The following CTBP2 variants were observed in gnomAD, a reference collection of about 807,000 sequenced individuals.
CTBP2 encodes the protein C-terminal-binding protein 2.
CTBP2 carries 30 observed loss-of-function variants against 80.3 expected under a neutral mutation model. That is an observed-to-expected ratio of 0.37 (90% CI 0.28 to 0.51). The LOEUF (loss-of-function observed/expected upper bound fraction) is 0.51, where lower values mean the gene tolerates loss of function less well. Among genes scored for constraint, CTBP2 ranks in the 20% least tolerant of loss-of-function variants. The pLI is 0.93. For synonymous variants in CTBP2, 594 were observed against 587.4 expected (o/e 1.01, Z -0.16); for missense variants, 1,212 against 1,375.3 (o/e 0.88, Z 1.88).
At chr10:125,023,088 C>G (rs1409203952) in intron 1 of CTBP2, among the ~76,000 whole-genome samples, 1 of 152,216 alleles carries the variant, frequency 6.6e-6, no homozygotes, top group African/African-American at 2.4e-5. Context: ...TCACAACCAT[C>G]AGCCTCCTCA....
At chr10:125,022,002 G>A (rs1474278313) in intron 1 of CTBP2, among the ~76,000 whole-genome samples, 8 of 152,192 alleles carry the variant, frequency 5.3e-5, no homozygotes, top group Admixed American at 2.6e-4. Flanking sequence ...TTTTTACTAC[G>A]CAGGCATAGA....
chr10:125,046,957 C>A (rs1255101978), intron 2 of CTBP2, among the ~76,000 whole-genome samples: 1 of 152,150 alleles, frequency 6.6e-6, no homozygotes, highest in African/African-American at 2.4e-5. Context: ...GAACAGAAGA[C>A]TTGAGCAGAA....
chr10:124,992,684 C>T lies in CTBP2; in HGVS notation c.2777+11G>A, dbSNP rs1952851103. The stretch of plus-strand genomic sequence containing the variant: ...CTCACAAGCTGAGACAAAGTCAGTT[C>T]CTTTTCTCACCTGTATGTGGCACCA... On this transcript the variant is annotated intron_variant, in intron 8 of 8. Coordinates refer to ENST00000309035, the MANE Select transcript of CTBP2 (RefSeq NM_022802.3). The T allele has an allele frequency of 1.5e-5, 24 of 1,590,972 alleles. No individual in the cohort carries two copies. Among genetic ancestry groups the T allele is most frequent in the Non-Finnish European group, 2.0e-5 (23 of 1,166,440 alleles).
At chr10:125,001,807 G>A (rs1184594881) in intron 3 of CTBP2, among the ~76,000 whole-genome samples, 1 of 152,276 alleles carries the variant, frequency 6.6e-6, no homozygotes, top group East Asian at 1.9e-4. Flanking sequence ...GTGCTGCCCC[G>A]ACTGGCCGTG....
intron 8 of CTBP2, among the ~76,000 whole-genome samples, chr10:124,990,832 T>G (rs998079488): frequency 3.9e-5 from 6 of 152,234 alleles, no homozygotes; most frequent in African/African-American, 1.4e-4. Context: ...TATGAGGATG[T>G]GGGAAGAAGC....
chr10:125,158,432 G>A (rs1861323205), intron 1 of CTBP2, among the ~76,000 whole-genome samples: 1 of 152,142 alleles, frequency 6.6e-6, no homozygotes, highest in African/African-American at 2.4e-5. Context: ...AATTATCCAT[G>A]TCAGATAAAA....
chr10:125,033,133 C>T (rs3781399), intron 3 of CTBP2, among the ~76,000 whole-genome samples: 9,512 of 152,286 alleles, frequency 0.062, 350 homozygotes, highest in African/African-American at 0.089. Context: ...CTGGCACAGA[C>T]ATCTCTTCAA....
chr10:125,016,427 T>C (rs1362288080), intron 1 of CTBP2, among the ~76,000 whole-genome samples: 1 of 152,168 alleles, frequency 6.6e-6, no homozygotes, highest in East Asian at 1.9e-4. Flanking sequence ...TCCAGAGAAA[T>C]GAACAACACG....
At chr10:125,019,174 C>A (rs1337322160) in intron 1 of CTBP2, among the ~76,000 whole-genome samples, 1 of 152,018 alleles carries the variant, frequency 6.6e-6, no homozygotes, top group Non-Finnish European at 1.5e-5. Flanking sequence ...GTTTTTTTAT[C>A]CTTTATGTAA....
chr10:125,023,990 G>A (rs745821111), intron 1 of CTBP2, among the ~76,000 whole-genome samples: 3 of 152,162 alleles, frequency 2.0e-5, no homozygotes, highest in Non-Finnish European at 2.9e-5. Context: ...GGCTGGCGGC[G>A]TCCCAAACAA....
At chr10:125,110,872 C>G (rs966414547) in intron 2 of CTBP2, 118 bp downstream of exon 2, 75 of 152,368 alleles carry the variant, frequency 4.9e-4, no homozygotes, top group African/African-American at 1.6e-3. Context: ...GATTAGACAT[C>G]CCAATGAAAC....
chr10:125,145,418 C>A (rs1193160466), intron 1 of CTBP2, among the ~76,000 whole-genome samples: 3 of 152,110 alleles, frequency 2.0e-5, no homozygotes, highest in Non-Finnish European at 4.4e-5. Context: ...TCTCTGGGGA[C>A]TGACTGAGTC....
intron 1 of CTBP2, among the ~76,000 whole-genome samples, chr10:125,009,522 T>C (rs1236567438): frequency 6.6e-6 from 1 of 152,184 alleles, no homozygotes; most frequent in Non-Finnish European, 1.5e-5. Context: ...TCCTCTTAAA[T>C]GCGGCCTGCT....
intron 2 of CTBP2, among the ~76,000 whole-genome samples, chr10:125,056,358 C>G (rs1963935774): frequency 6.6e-6 from 1 of 152,178 alleles, no homozygotes; most frequent in East Asian, 1.9e-4. Flanking sequence ...TGAAGGCGTG[C>G]ACGCCATGGA....
intron 3 of CTBP2, among the ~76,000 whole-genome samples, chr10:125,001,983 T>C (rs1954579336): frequency 6.6e-6 from 1 of 152,204 alleles, no homozygotes; most frequent in Admixed American, 6.5e-5. Flanking sequence ...AGAGCCCATC[T>C]GACACCCAGC....
At chr10:125,140,028 G>C (rs1459879242) in intron 1 of CTBP2, among the ~76,000 whole-genome samples, 6 of 151,952 alleles carry the variant, frequency 3.9e-5, no homozygotes, top group African/African-American at 1.5e-4. Context: ...CCTTAATAAA[G>C]ACACGATGGG....
intron 1 of CTBP2, among the ~76,000 whole-genome samples, chr10:125,006,235 G>A (rs1225102521): frequency 1.3e-5 from 2 of 151,508 alleles, no homozygotes; most frequent in African/African-American, 4.8e-5. Flanking sequence ...GTCCTTCATG[G>A]CAAGGCGGGA....
At chr10:125,158,201 G>A (rs1236446401) in intron 1 of CTBP2, among the ~76,000 whole-genome samples, 2 of 151,808 alleles carry the variant, frequency 1.3e-5, no homozygotes, top group East Asian at 3.9e-4. Flanking sequence ...AATTCTCAAA[G>A]TACATGAAAA....
chr10:125,075,501 G>T (rs996716587), intron 2 of CTBP2, among the ~76,000 whole-genome samples: 1 of 152,026 alleles, frequency 6.6e-6, no homozygotes, highest in Admixed American at 6.6e-5. Flanking sequence ...CCAACCTTGT[G>T]ATCTTGGACT....
Sources: gnomAD v4.1 joint callset for allele counts (sites outside exome capture counted in the v4.1 genomes callset) on GRCh38, gnomAD v4.1.1 for gene constraint, MANE v1.5 for transcripts, NCBI Gene and HGNC (gene_info 2026-07-23, HGNC 2026-07-21) for gene names.